Variants in RPS6KC1 observed in about 807,000 individuals in gnomAD.
RPS6KC1 encodes the protein ribosomal protein S6 kinase C1.
A neutral mutation model predicts 103.8 loss-of-function variants in RPS6KC1; 54 were observed. The observed-to-expected ratio is 0.52, with a 90% confidence interval of 0.42 to 0.65. The LOEUF (loss-of-function observed/expected upper bound fraction) is 0.65, where lower values mean the gene tolerates loss of function less well. Ranked by LOEUF, RPS6KC1 falls within the 30% of genes least tolerant of loss-of-function variation. The pLI, the probability that RPS6KC1 is intolerant of heterozygous loss-of-function variation, is 0.00. For synonymous variants in RPS6KC1, 439 were observed against 438.7 expected (o/e 1.00, Z -0.01); for missense variants, 1,151 against 1,253.8 (o/e 0.92, Z 1.24).
intron 14 of RPS6KC1, among the ~76,000 whole-genome samples, chr1:213,263,031 A>T (rs976573855): frequency 1.3e-5 from 2 of 151,972 alleles, no homozygotes; most frequent in Non-Finnish European, 2.9e-5. Flanking sequence ...CTTGGTATTA[A>T]TTTTTTTCCC....
intron 12 of RPS6KC1, among the ~76,000 whole-genome samples, chr1:213,251,526 T>TA (rs1447205589): frequency 6.6e-5 from 10 of 152,224 alleles, no homozygotes; most frequent in Non-Finnish European, 1.3e-4. Context: ...CACCTGAGTT[T>TA]AGGCTGCCTT....
chr1:213,219,781 T>G (rs2148764639), intron 8 of RPS6KC1, among the ~76,000 whole-genome samples: 1 of 144,548 alleles, frequency 6.9e-6, no homozygotes, highest in African/African-American at 2.6e-5. Flanking sequence ...CACTACATGT[T>G]CTCATTCATA....
chr1:213,064,974 C>CTTTTTTT (rs34664044), intron 1 of RPS6KC1, among the ~76,000 whole-genome samples: 1 of 89,694 alleles, frequency 1.1e-5, no homozygotes, highest in Non-Finnish European at 2.2e-5. Context: ...CGTGCCCGGC[C>CTTTTTTT]TTTTTTTTTT....
At chr1:213,260,299 AAG>A (rs2094754908) in intron 12 of RPS6KC1, among the ~76,000 whole-genome samples, 1 of 152,204 alleles carries the variant, frequency 6.6e-6, no homozygotes, top group Non-Finnish European at 1.5e-5. Context: ...GCACTTCAGG[AAG>A]AGGGTGGGCT....
the RPS6KC1 span, among the ~76,000 whole-genome samples, chr1:213,560,076 C>G: frequency 6.6e-6 from 1 of 152,122 alleles, no homozygotes; most frequent in African/African-American, 2.4e-5. Flanking sequence ...ACATGAACAT[C>G]AACATGTTTA....
At chr1:213,649,421 C>T in the RPS6KC1 span, among the ~76,000 whole-genome samples, 1 of 152,132 alleles carries the variant, frequency 6.6e-6, no homozygotes, top group Non-Finnish European at 1.5e-5. Context: ...GTCTCTCCTC[C>T]ACTCCGCCCC....
rs71573864 is a variant in RPS6KC1 at position 213,145,967 on chromosome 1, GTTTTTTTTTTTTTTTTT to G, written c.835+16089_835+16105del. ...CAAATAGGTCTTATTCATTCATTCTGTTTTTTTTTTTTTTTTTTTTTTTTTTTGGTATATGTTAATCA... is the reference window on the plus strand; with the variant it reads ...CAAATAGGTCTTATTCATTCATTCTGTTTTTTTTTTGGTATATGTTAATCA... On this transcript the variant is annotated intron_variant, in intron 6 of 14. Coordinates refer to ENST00000366960, the MANE Select transcript of RPS6KC1 (RefSeq NM_012424.6). Among the ~76,000 whole-genome samples the G allele has an allele frequency of 2.9e-4, 14 of 47,836 alleles. 1 individual carries two copies. The highest frequency in any genetic ancestry group is 1.3e-3 in the African/African-American group (13 of 10,204). The allele number at this position is 47,836 out of a possible 152,430, so 31.4% of individuals were successfully genotyped here.
chr1:213,214,708 G>A (rs905937700), intron 8 of RPS6KC1, among the ~76,000 whole-genome samples: 4 of 152,274 alleles, frequency 2.6e-5, no homozygotes, highest in African/African-American at 7.2e-5. Flanking sequence ...CAGCAACATT[G>A]GCTGTTTAGC....
chr1:213,645,756 T>C, the RPS6KC1 span, among the ~76,000 whole-genome samples: 25 of 152,256 alleles, frequency 1.6e-4, no homozygotes, highest in African/African-American at 5.3e-4. Flanking sequence ...GGAAATTGGG[T>C]TTGTATTTGA....
At chr1:213,129,937 G>A (rs772844696) in intron 6 of RPS6KC1, 48 bp downstream of exon 6, 8 of 1,516,362 alleles carry the variant, frequency 5.3e-6, no homozygotes, top group Non-Finnish European at 7.0e-6. Context: ...TTGTTGGTAT[G>A]TGGGAAAAAA....
the RPS6KC1 span, among the ~76,000 whole-genome samples, chr1:213,411,036 A>G: frequency 1.3e-5 from 2 of 152,134 alleles, no homozygotes; most frequent in African/African-American, 4.8e-5. Context: ...TGGCAGGACC[A>G]GGATGGAGAG....
the RPS6KC1 span, among the ~76,000 whole-genome samples, chr1:213,508,226 A>G: frequency 6.6e-6 from 1 of 152,230 alleles, no homozygotes; most frequent in Non-Finnish European, 1.5e-5. Context: ...TTGGATTAAT[A>G]TAATAGATAT....
At chr1:213,122,959 A>G (rs2148942506) in intron 5 of RPS6KC1, among the ~76,000 whole-genome samples, 1 of 152,238 alleles carries the variant, frequency 6.6e-6, no homozygotes, top group Non-Finnish European at 1.5e-5. Context: ...TTCTAGGGCT[A>G]TTGAGGATAA....
the RPS6KC1 span, among the ~76,000 whole-genome samples, chr1:213,507,467 G>A: frequency 5.9e-5 from 9 of 152,124 alleles, no homozygotes; most frequent in African/African-American, 2.2e-4. Flanking sequence ...GAAAAGGACA[G>A]ATGCAAAGAA....
chr1:213,130,881 T>C (rs1020869120), intron 6 of RPS6KC1, among the ~76,000 whole-genome samples: 1 of 152,152 alleles, frequency 6.6e-6, no homozygotes, highest in Admixed American at 6.5e-5. Flanking sequence ...CAGGCAACTT[T>C]CTTGATTCCC....
the RPS6KC1 span, among the ~76,000 whole-genome samples, chr1:213,392,437 C>T: frequency 2.0e-5 from 3 of 152,052 alleles, no homozygotes; most frequent in Non-Finnish European, 4.4e-5. Context: ...AGGGTCAGGG[C>T]TGGGGATACT....
chr1:213,734,998 A>G, the RPS6KC1 span, among the ~76,000 whole-genome samples: 1 of 152,130 alleles, frequency 6.6e-6, no homozygotes, highest in Non-Finnish European at 1.5e-5. Flanking sequence ...ATCTCGGCTC[A>G]CTGCAAGCTC....
the RPS6KC1 span, among the ~76,000 whole-genome samples, chr1:213,646,895 A>ATT: frequency 2.0e-5 from 3 of 148,820 alleles, no homozygotes; most frequent in Admixed American, 2.0e-4. Flanking sequence ...ATATATATAT[A>ATT]TATTTTTGTT....
At chr1:213,333,334 G>A in the RPS6KC1 span, among the ~76,000 whole-genome samples, 4 of 152,336 alleles carry the variant, frequency 2.6e-5, no homozygotes, top group Admixed American at 2.6e-4. Context: ...TGGTGGAATG[G>A]AATGCGTGTC....
Sources: gnomAD v4.1 joint callset for allele counts (sites outside exome capture counted in the v4.1 genomes callset) on GRCh38, gnomAD v4.1.1 for gene constraint, MANE v1.5 for transcripts, NCBI Gene and HGNC (gene_info 2026-07-23, HGNC 2026-07-21) for gene names.